NOVA1: variants seen among roughly 807,000 people sequenced by gnomAD.
The protein encoded by NOVA1 is NOVA alternative splicing regulator 1.
NOVA1 carries 7 observed loss-of-function variants against 38.0 expected under a neutral mutation model. The ratio of observed to expected loss-of-function variants is 0.18; its 90% CI spans 0.10 to 0.35. NOVA1 has a LOEUF of 0.35. NOVA1 is among the 10% of genes least tolerant of loss of function. The probability of loss-of-function intolerance (pLI) is 1.00; values close to 1 mark genes in which losing one functional copy is unlikely to be tolerated. For missense variants in NOVA1, 460 were observed against 616.0 expected, an observed-to-expected ratio of 0.75 and a Z score of 2.68; for synonymous variants, 270 against 232.5, an observed-to-expected ratio of 1.16 and a Z score of -1.47.
chr14:26,597,707 A>AAAG lies in NOVA1; in HGVS notation c.-274_-272dup. The AAAG allele has an allele frequency of 8.9e-7, 1 of 1,122,886 alleles. No individual in the cohort carries two copies. The highest frequency in any genetic ancestry group is 1.6e-5 in the African/African-American group (1 of 61,186). The allele number at this position is 1,122,886 out of a possible 1,614,324, so 69.6% of individuals were successfully genotyped here. A position where few individuals can be genotyped will look rare whatever the true frequency, so the allele number is the denominator to read the frequency against. On this transcript the variant is annotated 5_prime_UTR_variant, in exon 1 of 5. Transcript: ENST00000539517. ...GAGGGGGTGTGAGAGACGGAGGGTGAAAGAAGAAGAAGAAAGGAGACAGGG... is the reference window on the plus strand; with the variant it reads ...GAGGGGGTGTGAGAGACGGAGGGTGAAAGAAGAAGAAGAAGAAAGGAGACAGGG...
chr14:26,502,502 A>G lies in NOVA1; in HGVS notation c.281-22359T>C, dbSNP rs147960385. Among the ~76,000 whole-genome samples the G allele has an allele frequency of 2.6e-5, 4 of 152,010 alleles. No homozygotes were observed. In the East Asian group the frequency reaches 7.7e-4, roughly 29 times the overall value. On this transcript the variant is annotated intron_variant, in intron 2 of 4. Coordinates refer to ENST00000539517, the MANE Select transcript of NOVA1 (RefSeq NM_002515.3). ...GCATTTTCGTTAACTTGCTAAGACT[A>G]TATTTTAAAGAGAAGGCAGATACTT... is the stretch of plus-strand genomic sequence containing the variant.
At chr14:26,568,468 G>A (rs943197588) in intron 2 of NOVA1, 1 of 152,060 alleles carries the variant, frequency 6.6e-6, no homozygotes, top group Non-Finnish European at 1.5e-5. Flanking sequence ...CAGGGTAGCT[G>A]GGGAAAATAA....
chr14:26,511,803 G>A (rs1463688067), intron 2 of NOVA1, among the ~76,000 whole-genome samples: 1 of 151,952 alleles, frequency 6.6e-6, no homozygotes. Flanking sequence ...TGTTGGGTAG[G>A]CAGGGAGACG....
At chr14:26,486,090 T>A (rs1885862265) in intron 2 of NOVA1, among the ~76,000 whole-genome samples, 1 of 152,202 alleles carries the variant, frequency 6.6e-6, no homozygotes, top group Non-Finnish European at 1.5e-5. Flanking sequence ...GCTAATATTG[T>A]GATCAACATG....
At chr14:26,574,112 G>T (rs1007654918) in intron 2 of NOVA1, among the ~76,000 whole-genome samples, 4 of 143,892 alleles carry the variant, frequency 2.8e-5, no homozygotes, top group African/African-American at 7.9e-5. Flanking sequence ...TGCAACCTCT[G>T]CCAACTGGGC....
chr14:26,456,574 C>T (rs548182640), intron 4 of NOVA1, among the ~76,000 whole-genome samples: 1 of 151,948 alleles, frequency 6.6e-6, no homozygotes, highest in East Asian at 1.9e-4. Flanking sequence ...AAAAAATAAA[C>T]CAAATATAAA....
intron 2 of NOVA1, among the ~76,000 whole-genome samples, chr14:26,541,735 A>C (rs1246836185): frequency 6.6e-6 from 1 of 151,562 alleles, no homozygotes; most frequent in Non-Finnish European, 1.5e-5. Flanking sequence ...TTGTAAATAG[A>C]ATGTTTGAAT....
chr14:26,547,587 T>C (rs1001870077), intron 2 of NOVA1, among the ~76,000 whole-genome samples: 3 of 152,064 alleles, frequency 2.0e-5, no homozygotes. Context: ...TAAAAATAGA[T>C]ACCAGGACAC....
intron 2 of NOVA1, among the ~76,000 whole-genome samples, chr14:26,547,980 T>C (rs1164361813): frequency 6.6e-6 from 1 of 152,120 alleles, no homozygotes; most frequent in Non-Finnish European, 1.5e-5. Context: ...AAGCCTTTTA[T>C]TCTTACTCAC....
chr14:26,518,226 T>A (rs906604933), intron 2 of NOVA1, among the ~76,000 whole-genome samples: 5 of 152,090 alleles, frequency 3.3e-5, no homozygotes, highest in Non-Finnish European at 4.4e-5. Context: ...TCTGAAAAAG[T>A]ATTTCATTTT....
intron 2 of NOVA1, among the ~76,000 whole-genome samples, chr14:26,483,790 A>C (rs1361850290): frequency 6.6e-6 from 1 of 152,204 alleles, no homozygotes; most frequent in African/African-American, 2.4e-5. Context: ...AGCTTCGTCA[A>C]TAAAGAAGAG....
intron 3 of NOVA1, chr14:26,479,767 C>T (rs1885292246): frequency 2.2e-6 from 1 of 464,820 alleles, no homozygotes; most frequent in South Asian, 6.7e-5. Context: ...CAATGTAACA[C>T]TAATAAATGA....
At chr14:26,555,098 T>C (rs116794583) in intron 2 of NOVA1, among the ~76,000 whole-genome samples, 1,725 of 152,156 alleles carry the variant, frequency 0.011, 23 homozygotes, top group Middle Eastern at 0.055. Flanking sequence ...AAAAAGAGTT[T>C]AGATGGATTC....
intron 2 of NOVA1, among the ~76,000 whole-genome samples, chr14:26,544,015 T>C (rs1215376699): frequency 6.6e-6 from 1 of 151,314 alleles, no homozygotes; most frequent in African/African-American, 2.4e-5. Flanking sequence ...ACTCAAGGAG[T>C]GGTAACTAAT....
intron 2 of NOVA1, among the ~76,000 whole-genome samples, chr14:26,518,301 T>C (rs974360390): frequency 2.0e-5 from 3 of 152,004 alleles, no homozygotes; most frequent in African/African-American, 7.2e-5. Flanking sequence ...TTATCTAAGT[T>C]TTCTGTAGTT....
At chr14:26,578,882 T>G (rs1246102502) in intron 2 of NOVA1, among the ~76,000 whole-genome samples, 1 of 152,064 alleles carries the variant, frequency 6.6e-6, no homozygotes, top group African/African-American at 2.4e-5. Flanking sequence ...AACATATAAT[T>G]TAACCCTCAC....
At chr14:26,490,104 A>G (rs921014816) in intron 2 of NOVA1, among the ~76,000 whole-genome samples, 1 of 152,178 alleles carries the variant, frequency 6.6e-6, no homozygotes, top group African/African-American at 2.4e-5. Flanking sequence ...AAATGGAATC[A>G]CACAATATCT....
intron 4 of NOVA1, chr14:26,470,637 T>G (rs1884515519): frequency 1.9e-6 from 1 of 523,556 alleles, no homozygotes. Context: ...ATCTAGAGGG[T>G]GAAAATACAA....
At chr14:26,456,978 C>A (rs74042404) in intron 4 of NOVA1, among the ~76,000 whole-genome samples, 1 of 150,262 alleles carries the variant, frequency 6.7e-6, no homozygotes, top group Non-Finnish European at 1.5e-5. Context: ...CACACACACA[C>A]ATATATATAT....
Sources: allele counts gnomAD v4.1 joint callset (sites outside exome capture counted in the v4.1 genomes callset), GRCh38; gene constraint gnomAD v4.1.1; transcripts MANE v1.5; gene names NCBI Gene and HGNC (gene_info 2026-07-23, HGNC 2026-07-21).